LIPI: variants seen among roughly 807,000 people sequenced by gnomAD.
The protein encoded by LIPI is lipase member I.
Under a neutral mutation model 50.6 loss-of-function variants are expected in LIPI, and 59 were observed. The ratio of observed to expected loss-of-function variants is 1.16; its 90% CI spans 0.94 to 1.45. LIPI has a LOEUF of 1.45. Among genes scored for constraint, LIPI ranks in the 40% most tolerant of loss-of-function variants. The pLI, the probability that LIPI is intolerant of heterozygous loss-of-function variation, is 0.00. For synonymous variants in LIPI, 203 were observed against 178.2 expected (o/e 1.14, Z -1.11); for missense variants, 586 against 536.3 (o/e 1.09, Z -0.92).
intron 1 of LIPI, chr21:14,207,031 T>C: frequency 1.3e-6 from 1 of 777,714 alleles, no homozygotes; most frequent in Non-Finnish European, 2.3e-6. Flanking sequence ...ATTGACCCAC[T>C]TTATGCTACG....
chr21:14,157,964 A>C (rs373258493), intron 7 of LIPI, among the ~76,000 whole-genome samples: 109 of 151,926 alleles, frequency 7.2e-4, no homozygotes, highest in African/African-American at 2.5e-3. Flanking sequence ...GATGAAGAAA[A>C]ATTATGTCCA....
intron 8 of LIPI, among the ~76,000 whole-genome samples, chr21:14,151,574 G>C (rs1379058779): frequency 6.6e-6 from 1 of 152,094 alleles, no homozygotes; most frequent in Non-Finnish European, 1.5e-5. Context: ...TGGTGTCTGT[G>C]AGCCTTTTGA....
chr21:14,184,115 G>A (rs1297737700), intron 3 of LIPI, among the ~76,000 whole-genome samples: 1 of 152,148 alleles, frequency 6.6e-6, no homozygotes, highest in Non-Finnish European at 1.5e-5. Flanking sequence ...AGAAAATGTG[G>A]CACATACACA....
At chr21:14,202,930 C>T (rs2020108175) in intron 1 of LIPI, among the ~76,000 whole-genome samples, 1 of 152,044 alleles carries the variant, frequency 6.6e-6, no homozygotes, top group African/African-American at 2.4e-5. Context: ...TTGCAATCTA[C>T]CCATCTGACA....
intron 9 of LIPI, among the ~76,000 whole-genome samples, chr21:14,121,643 C>A (rs756203207): frequency 6.6e-6 from 1 of 152,116 alleles, no homozygotes; most frequent in Non-Finnish European, 1.5e-5. Context: ...GGAATCCTAC[C>A]ACCCTCGGGC....
intron 1 of LIPI, among the ~76,000 whole-genome samples, chr21:14,199,770 T>C (rs985918347): frequency 2.6e-5 from 4 of 151,974 alleles, no homozygotes; most frequent in Admixed American, 6.6e-5. Context: ...ATCATCCTGA[T>C]ACCAAAATCT....
chr21:14,168,917 C>A (rs2018791344), intron 4 of LIPI, among the ~76,000 whole-genome samples: 1 of 151,122 alleles, frequency 6.6e-6, no homozygotes, highest in African/African-American at 2.4e-5. Context: ...CACAGACTGG[C>A]AAATTGGATA....
intron 1 of LIPI, among the ~76,000 whole-genome samples, chr21:14,189,898 A>C (rs1343217853): frequency 3.9e-5 from 6 of 152,080 alleles, no homozygotes; most frequent in African/African-American, 1.4e-4. Context: ...TTAAATAATA[A>C]ATATTAATAT....
chr21:14,144,712 C>T lies in LIPI; in HGVS notation c.1206G>A (p.Leu402=), dbSNP rs2017838641. 6.4e-7 allele frequency: 1 copy of T among 1,570,904 alleles called. No homozygotes were observed. Among genetic ancestry groups the T allele is most frequent in the Non-Finnish European group, 8.8e-7 (1 of 1,141,292 alleles). ...NDFVNISSIG[L]TYFQSSNLQC... is the part of the protein sequence containing the mutation. Reference sequence around the variant, plus strand: ...GCAGATTTGAGCTCTGGAAATATGTCAAACCAATGCTTGAAATATTTACAA... The same window carrying T: ...GCAGATTTGAGCTCTGGAAATATGTTAAACCAATGCTTGAAATATTTACAA... Residue 402 remains leucine (L), a synonymous_variant, in exon 9 of 10, where the codon TTG becomes TTA. Coordinates refer to ENST00000681601, the MANE Select transcript of LIPI (RefSeq NM_001302998.2).
chr21:14,135,189 T>C (rs1185645917), intron 9 of LIPI, among the ~76,000 whole-genome samples: 1 of 152,100 alleles, frequency 6.6e-6, no homozygotes, highest in African/African-American at 2.4e-5. Context: ...GAGAAAACAG[T>C]TGACATCACT....
intron 8 of LIPI, among the ~76,000 whole-genome samples, chr21:14,147,059 G>A (rs2017934704): frequency 6.6e-6 from 1 of 152,062 alleles, no homozygotes; most frequent in South Asian, 2.1e-4. Flanking sequence ...TTACAAGCGT[G>A]AGCCACCATG....
chr21:14,167,739 A>G (rs2018743614), intron 4 of LIPI, among the ~76,000 whole-genome samples: 1 of 152,194 alleles, frequency 6.6e-6, no homozygotes. Context: ...AAAGACCAAA[A>G]GTAGATGAAA....
At chr21:14,189,870 T>G (rs534443585) in intron 1 of LIPI, among the ~76,000 whole-genome samples, 2 of 152,152 alleles carry the variant, frequency 1.3e-5, no homozygotes, top group South Asian at 4.1e-4. Flanking sequence ...CCCATAAAAT[T>G]TAAAATGTTT....
intron 1 of LIPI, among the ~76,000 whole-genome samples, chr21:14,203,653 G>A (rs964250678): frequency 2.6e-5 from 4 of 152,108 alleles, no homozygotes; most frequent in Non-Finnish European, 5.9e-5. Flanking sequence ...ATGGACACAG[G>A]AAGGTGAACA....
intron 9 of LIPI, among the ~76,000 whole-genome samples, chr21:14,117,782 G>A (rs2016709443): frequency 6.6e-6 from 1 of 152,128 alleles, no homozygotes; most frequent in South Asian, 2.1e-4. Context: ...GGGTTTGAAG[G>A]TATGAACATT....
intron 6 of LIPI, among the ~76,000 whole-genome samples, chr21:14,164,225 A>C (rs999730723): frequency 6.6e-6 from 1 of 152,098 alleles, no homozygotes; most frequent in Admixed American, 6.6e-5. Context: ...TAAATTAAGA[A>C]TTCAGAGGTT....
At chr21:14,188,362 G>A (rs1247778138) in intron 2 of LIPI, among the ~76,000 whole-genome samples, 1 of 152,040 alleles carries the variant, frequency 6.6e-6, no homozygotes, top group East Asian at 1.9e-4. Flanking sequence ...GAGGTCAGGA[G>A]TTCGAGACCA....
chr21:14,113,733 C>A (rs1480655861), intron 9 of LIPI, among the ~76,000 whole-genome samples: 1 of 152,100 alleles, frequency 6.6e-6, no homozygotes, highest in Non-Finnish European at 1.5e-5. Flanking sequence ...AAAGAACTGC[C>A]CAAGACTGGG....
At chr21:14,204,827 T>C (rs572672046) in intron 1 of LIPI, among the ~76,000 whole-genome samples, 10 of 152,034 alleles carry the variant, frequency 6.6e-5, no homozygotes, top group African/African-American at 2.4e-4. Context: ...ACAGTTAATA[T>C]ATATATGATC....
Sources: allele counts gnomAD v4.1 joint callset (sites outside exome capture counted in the v4.1 genomes callset), GRCh38; gene constraint gnomAD v4.1.1; transcripts MANE v1.5; gene names NCBI Gene and HGNC (gene_info 2026-07-23, HGNC 2026-07-21).